Variants in TRPM1 observed in about 807,000 individuals in gnomAD.
TRPM1 encodes transient receptor potential cation channel subfamily M member 1.
In TRPM1, 113 loss-of-function variants were observed where a neutral mutation model predicts 149.4. The observed-to-expected ratio is 0.76, with a 90% CI of 0.65 to 0.88. The LOEUF (loss-of-function observed/expected upper bound fraction) is 0.88. TRPM1 is among the 40% of genes least tolerant of loss of function. TRPM1 has a pLI of 0.00. For synonymous variants in TRPM1, 741 were observed against 759.5 expected, an observed-to-expected ratio of 0.98 and a Z score of 0.40; for missense variants, 1,976 against 2,038.7, an observed-to-expected ratio of 0.97 and a Z score of 0.59.
intron 1 of TRPM1, among the ~76,000 whole-genome samples, chr15:31,109,163 C>G (rs1381572793): frequency 6.6e-6 from 1 of 151,694 alleles, no homozygotes; most frequent in Admixed American, 6.6e-5. Flanking sequence ...GGAGAGGGAG[C>G]TTTCAAAAGA....
intron 27 of TRPM1, among the ~76,000 whole-genome samples, chr15:31,025,759 T>C (rs1289618577): frequency 6.6e-6 from 1 of 152,028 alleles, no homozygotes; most frequent in Non-Finnish European, 1.5e-5. Flanking sequence ...CTAGGCCGGA[T>C]GAGGAGGGCA....
At chr15:31,066,005 C>CT in intron 7 of TRPM1, 71 bp downstream of exon 7, 1 of 1,555,408 alleles carries the variant, frequency 6.4e-7, no homozygotes, top group East Asian at 2.3e-5. Context: ...GGCAATCAAT[C>CT]TCCTTCTCAG....
At chr15:31,100,749 T>C (rs1428766254) in intron 1 of TRPM1, among the ~76,000 whole-genome samples, 1 of 152,226 alleles carries the variant, frequency 6.6e-6, no homozygotes, top group Non-Finnish European at 1.5e-5. Flanking sequence ...ACGGTTATTA[T>C]GCCTTTTTCT....
In TRPM1 at chr15:31,067,969, G is replaced by A. The variant is rs2034427601; in HGVS notation, c.403C>T (p.Gln135Ter). 1.2e-6 allele frequency: 2 copies of A among 1,614,034 alleles called. No homozygotes were observed. The highest frequency in any genetic ancestry group is 1.3e-5 in the African/African-American group (1 of 74,914). ...CCAAAGACTTGTTTCAGCTTGGGCT[G>A]CATCTCAAAGTTCTGGAGGCCTCCA... ...VHGGLQNFEM[Q>*]PKLKQVFGKG... is the part of the protein sequence containing the mutation. Residue 135 changes from glutamine to a stop codon, truncating the protein, a stop_gained, in exon 5 of 28, where the codon CAG (glutamine) becomes TAG (stop). Coordinates refer to ENST00000256552, the MANE Select transcript of TRPM1 (RefSeq NM_001252024.2). LOFTEE classifies it high-confidence loss of function.
At chr15:31,160,244 G>A (rs1015221218) in intron 1 of TRPM1, among the ~76,000 whole-genome samples, 3 of 152,156 alleles carry the variant, frequency 2.0e-5, no homozygotes, top group African/African-American at 7.2e-5. Context: ...TCCCAGGCTG[G>A]CTCAGAGTCA....
chr15:31,017,097 G>A (rs1024408806), intron 27 of TRPM1, among the ~76,000 whole-genome samples: 2 of 152,128 alleles, frequency 1.3e-5, no homozygotes, highest in African/African-American at 4.8e-5. Context: ...CTGAGGTCAG[G>A]AGTTCGAGAC....
At chr15:31,068,221 C>T in intron 4 of TRPM1, 129 bp from the exon 5 acceptor site, 1 of 838,518 alleles carries the variant, frequency 1.2e-6, no homozygotes, top group South Asian at 1.4e-5. Context: ...CCCTGGAGCC[C>T]TCTGTGTGAG....
intron 1 of TRPM1, among the ~76,000 whole-genome samples, chr15:31,124,674 A>T (rs1277481552): frequency 7.0e-6 from 1 of 142,146 alleles, no homozygotes; most frequent in African/African-American, 2.6e-5. Flanking sequence ...AAAAAAAAAA[A>T]GTCAATCTGA....
At chr15:31,071,419 A>C (rs1309608292) in intron 3 of TRPM1, among the ~76,000 whole-genome samples, 1 of 152,116 alleles carries the variant, frequency 6.6e-6, no homozygotes, top group Non-Finnish European at 1.5e-5. Flanking sequence ...GCACGTGTGT[A>C]ATGCACATGT....
intron 1 of TRPM1, among the ~76,000 whole-genome samples, chr15:31,141,601 A>G (rs56403436): frequency 0.04 from 6,093 of 152,278 alleles, 149 homozygotes; most frequent in South Asian, 0.06. Context: ...GAAAAGAGAA[A>G]GTAATTTTTT....
chr15:31,158,705 CA>C (rs2036408999), intron 1 of TRPM1, among the ~76,000 whole-genome samples: 1 of 151,356 alleles, frequency 6.6e-6, no homozygotes, highest in South Asian at 2.1e-4. Flanking sequence ...AGGACGTTCC[CA>C]AAAGTAAAAG....
intron 11 of TRPM1, among the ~76,000 whole-genome samples, chr15:31,059,019 G>C (rs1233719008): frequency 6.6e-6 from 1 of 152,148 alleles, no homozygotes; most frequent in Non-Finnish European, 1.5e-5. Flanking sequence ...GGATGCAGAG[G>C]CTGTAGTGAG....
At chr15:31,105,484 C>A (rs1018529462), upstream of TRPM1, among the ~76,000 whole-genome samples, 1 of 147,222 alleles carries the variant, frequency 6.8e-6, no homozygotes, top group Admixed American at 6.8e-5. Context: ...CGCGCGCGCG[C>A]GCGTGCATCT....
At chr15:31,076,844 T>G in intron 3 of TRPM1, 61 bp downstream of exon 3, 670 of 1,303,060 alleles carry the variant, frequency 5.1e-4, no homozygotes, top group Non-Finnish European at 6.8e-4. Flanking sequence ...CTTACAAACA[T>G]GAGAATAGTG....
chr15:31,047,341 C>T (rs1049245423), intron 14 of TRPM1, 90 bp from the exon 15 acceptor site: 8 of 1,480,640 alleles, frequency 5.4e-6, no homozygotes, highest in Non-Finnish European at 6.6e-6. Flanking sequence ...GCTGTCCTGG[C>T]CCCCACTTGG....
chr15:31,035,581 A>G lies in TRPM1; in HGVS notation c.2665T>C (p.Tyr889His), dbSNP rs1341987387. ...PSLQEWIVIS[Y>H]IVSLALEKIR... is the part of the protein sequence containing the mutation. ...TTCTCTAACGCCAGGCTCACGATGTAGGAGATGACGATCCACTCCTGGAGG... is the reference window on the plus strand; with the variant it reads ...TTCTCTAACGCCAGGCTCACGATGTGGGAGATGACGATCCACTCCTGGAGG... The change falls in exon 21 of 28, where the codon TAC (tyrosine) becomes CAC (histidine). Residue 889 changes from tyrosine to histidine, a missense_variant. Coordinates refer to ENST00000256552, the MANE Select transcript of TRPM1 (RefSeq NM_001252024.2). 1 of 1,614,046 alleles carries G rather than the reference A, an allele frequency of 6.2e-7. No individual in the cohort carries two copies. The highest frequency in any genetic ancestry group is 1.1e-5 in the South Asian group (1 of 91,086).
chr15:31,152,731 C>T (rs2036320620), intron 1 of TRPM1, among the ~76,000 whole-genome samples: 1 of 152,182 alleles, frequency 6.6e-6, no homozygotes, highest in Non-Finnish European at 1.5e-5. Flanking sequence ...CAGCCTTGAC[C>T]TACCAAGATT....
chr15:31,067,888 C>T lies in TRPM1; in HGVS notation c.484G>A (p.Val162Ile), dbSNP rs375553603. ...AAGGGCCTGCTCTTACCTGTGCTGA[C>T]ACCCCCGGTGAAGATCCAGGCCCCG... Reference protein sequence around the residue: ...TTGAWIFTGGVSTGVISHVGD... With the variant: ...TTGAWIFTGGISTGVISHVGD... The change falls in exon 5 of 28, where the codon GTC (valine) becomes ATC (isoleucine). Residue 162 changes from valine to isoleucine, a missense_variant. Val to Ile is a conservative substitution (Grantham distance 29). This residue lies in a region of TRPM1 where 1,332 missense variants were observed against 1,347.1 expected (regional missense o/e 0.99). Transcript: ENST00000256552. 4.4e-5 allele frequency: 71 copies of T among 1,612,858 alleles called. No individual in the cohort carries two copies. The East Asian group carries it at 1.4e-3, about 32-fold the overall frequency.
chr15:31,131,690 G>A (rs1208343374), intron 1 of TRPM1, among the ~76,000 whole-genome samples: 1 of 152,140 alleles, frequency 6.6e-6, no homozygotes, highest in African/African-American at 2.4e-5. Context: ...GACTGGAGGG[G>A]TCAGAGAGGG....
Sources: gnomAD v4.1 joint callset for allele counts (sites outside exome capture counted in the v4.1 genomes callset) on GRCh38, gnomAD v4.1.1 for gene constraint, gnomAD v4.1.1 regional missense constraint, MANE v1.5 for transcripts, NCBI Gene and HGNC (gene_info 2026-07-23, HGNC 2026-07-21) for gene names.